PREX1: variants seen among roughly 807,000 people sequenced by gnomAD.
PREX1 encodes the protein phosphatidylinositol-3,4,5-trisphosphate dependent Rac exchange factor 1, also known as phosphatidylinositol 3,4,5-trisphosphate-dependent Rac exchanger 1 protein.
In PREX1, 41 loss-of-function variants were observed where a neutral mutation model predicts 198.3. The observed-to-expected ratio is 0.21, with a 90% CI of 0.16 to 0.27. PREX1 has a LOEUF of 0.27. Ranked by LOEUF, PREX1 falls within the 10% of genes least tolerant of loss-of-function variation. The pLI, the probability that PREX1 is intolerant of heterozygous loss-of-function variation, is 1.00. For missense variants in PREX1, 1,620 were observed against 2,200.7 expected (o/e 0.74, Z 5.28); for synonymous variants, 843 against 887.2 (o/e 0.95, Z 0.89).
upstream of PREX1, among the ~76,000 whole-genome samples, chr20:48,829,182 A>G (rs1319707017): frequency 1.3e-5 from 2 of 152,062 alleles, no homozygotes; most frequent in African/African-American, 4.8e-5. Context: ...GTTCTCTGTA[A>G]ATGTTTGTTC....
chr20:48,757,174 C>T (rs2090159197), intron 1 of PREX1, among the ~76,000 whole-genome samples: 1 of 152,184 alleles, frequency 6.6e-6, no homozygotes, highest in Non-Finnish European at 1.5e-5. Context: ...TCCCCGACTG[C>T]TCCATTTGAA....
At chr20:48,787,417 T>C (rs2090318146) in intron 1 of PREX1, among the ~76,000 whole-genome samples, 2 of 151,238 alleles carry the variant, frequency 1.3e-5, no homozygotes. Context: ...TTCCAAAACA[T>C]CACACATTAC....
In PREX1 at chr20:48,804,628, G is replaced by T. The variant is rs372463261; in HGVS notation, c.219+23014C>A. ...ATAGGACGAATGTGACCTGATTTAC[G>T]CAGGGTACATGTGGAGAACCAGGGG... On this transcript the variant is annotated intron_variant, in intron 1 of 39. Transcript: ENST00000371941. Among the ~76,000 whole-genome samples the T allele has an allele frequency of 1.6e-3, 239 of 152,312 alleles. 3 individuals are homozygous for T. Among genetic ancestry groups the T allele is most frequent in the African/African-American group, 5.3e-3 (222 of 41,568 alleles).
chr20:48,751,200 A>G (rs1486808180), intron 1 of PREX1, among the ~76,000 whole-genome samples: 1 of 152,170 alleles, frequency 6.6e-6, no homozygotes, highest in Non-Finnish European at 1.5e-5. Flanking sequence ...TGAAACGACA[A>G]TGAGCGGAGG....
Position 48,791,345 on chromosome 20 carries a change from G to A in PREX1, c.219+36297C>T, listed in dbSNP as rs143948087. Among the ~76,000 whole-genome samples the A allele has an allele frequency of 9.2e-5, 14 of 152,300 alleles. No homozygotes were observed. In the East Asian group the frequency reaches 1.7e-3, roughly 19 times the overall value. On this transcript the variant is annotated intron_variant, in intron 1 of 39. Coordinates refer to ENST00000371941, the MANE Select transcript of PREX1 (RefSeq NM_020820.4). ...ACTGAGCTCCTACCACGTGCTGGAC[G>A]CTGTCCTAAGTGCTGCATCAAACCC...
At chr20:48,811,480 G>A (rs1358880678) in intron 1 of PREX1, among the ~76,000 whole-genome samples, 1 of 151,916 alleles carries the variant, frequency 6.6e-6, no homozygotes, top group African/African-American at 2.4e-5. Flanking sequence ...TACAAGGCCT[G>A]GCCCACAGCA....
the PREX1 span, among the ~76,000 whole-genome samples, chr20:48,869,982 C>A: frequency 2.0e-5 from 3 of 152,158 alleles, no homozygotes; most frequent in African/African-American, 7.2e-5. Context: ...GCAAACTCTG[C>A]ACATGTATCC....
Position 48,698,376 on chromosome 20 carries a change from C to T in PREX1, c.917+2377G>A, listed in dbSNP as rs554753613. ...GAGGCCTAAAGGGACGTTCTGTTTT[C>T]CAAACCCCAGTGTTCTGGGAAAAGT... On this transcript the variant is annotated intron_variant, in intron 7 of 39. Transcript: ENST00000371941. Among the ~76,000 whole-genome samples, 8 of 152,292 alleles carry T rather than the reference C, an allele frequency of 5.3e-5. No individual in the cohort carries two copies. In the South Asian group the frequency reaches 1.7e-3, roughly 32 times the overall value.
At chr20:48,725,368 G>A (rs1357712621) in intron 5 of PREX1, among the ~76,000 whole-genome samples, 2 of 152,230 alleles carry the variant, frequency 1.3e-5, no homozygotes, top group Non-Finnish European at 2.9e-5. Flanking sequence ...AGCAGTGGAA[G>A]GCGGAAGAGC....
At chr20:48,651,352 C>T (rs1273319644) in intron 22 of PREX1, 44 bp downstream of exon 22, 1 of 1,536,828 alleles carries the variant, frequency 6.5e-7, no homozygotes, top group East Asian at 2.3e-5. Context: ...AAACTGGCTT[C>T]AATCCCCCAG....
chr20:48,638,370 C>T (rs919049418), intron 30 of PREX1, among the ~76,000 whole-genome samples: 21 of 152,188 alleles, frequency 1.4e-4, no homozygotes, highest in African/African-American at 4.6e-4. Context: ...AACAGCCTCA[C>T]ATACATATTC....
chr20:48,656,583 C>T (rs1407994018), intron 18 of PREX1: 1 of 456,206 alleles, frequency 2.2e-6, no homozygotes, highest in African/African-American at 2.0e-5. Flanking sequence ...CCTCTTCCTC[C>T]AGAAATCCCC....
chr20:48,667,008 G>A (rs1234105083), intron 14 of PREX1, among the ~76,000 whole-genome samples: 1 of 152,114 alleles, frequency 6.6e-6, no homozygotes, highest in Non-Finnish European at 1.5e-5. Flanking sequence ...GCTACAGGTG[G>A]CCAATGAGCT....
intron 25 of PREX1, among the ~76,000 whole-genome samples, chr20:48,648,067 T>C (rs1047923507): frequency 6.6e-6 from 1 of 152,118 alleles, no homozygotes; most frequent in African/African-American, 2.4e-5. Flanking sequence ...CACGCCTGGC[T>C]AATTTTAGGA....
the PREX1 span, among the ~76,000 whole-genome samples, chr20:48,848,974 G>A: frequency 6.6e-6 from 1 of 151,842 alleles, no homozygotes; most frequent in Admixed American, 6.6e-5. Flanking sequence ...CTGACCTCAG[G>A]TGATCCACCC....
At chr20:48,736,179 C>T (rs1332093481) in intron 3 of PREX1, among the ~76,000 whole-genome samples, 1 of 152,168 alleles carries the variant, frequency 6.6e-6, no homozygotes, top group Admixed American at 6.5e-5. Context: ...CCACACAATA[C>T]TTCAAAGTAC....
intron 1 of PREX1, among the ~76,000 whole-genome samples, chr20:48,774,143 G>A (rs968556130): frequency 5.3e-5 from 8 of 152,182 alleles, no homozygotes; most frequent in African/African-American, 9.7e-5. Flanking sequence ...GTTCAATCTC[G>A]GACATTTTAA....
chr20:48,866,425 C>T, the PREX1 span, among the ~76,000 whole-genome samples: 2 of 152,050 alleles, frequency 1.3e-5, no homozygotes, highest in African/African-American at 4.8e-5. Flanking sequence ...GAACTCCAGC[C>T]CAGGACCACT....
chr20:48,652,803 T>G, intron 20 of PREX1, 97 bp from the exon 21 acceptor site: 1 of 1,385,008 alleles, frequency 7.2e-7, no homozygotes, highest in Non-Finnish European at 9.7e-7. Context: ...TCCAGAGCTC[T>G]GGAAACTCAC....
Sources: allele counts gnomAD v4.1 joint callset (sites outside exome capture counted in the v4.1 genomes callset), GRCh38; gene constraint gnomAD v4.1.1; transcripts MANE v1.5; gene names NCBI Gene and HGNC (gene_info 2026-07-23, HGNC 2026-07-21).